Variants in MTTP observed in about 807,000 individuals in gnomAD.
The protein encoded by MTTP is microsomal triglyceride transfer protein large subunit.
A neutral mutation model predicts 90.6 loss-of-function variants in MTTP; 49 were observed. The ratio of observed to expected loss-of-function variants is 0.54; its 90% confidence interval spans 0.43 to 0.69. The LOEUF is 0.69. Ranked by LOEUF, MTTP falls within the 30% of genes least tolerant of loss-of-function variation. The probability of loss-of-function intolerance (pLI) is 0.00; values close to 1 mark genes in which losing one functional copy is unlikely to be tolerated. For synonymous variants in MTTP, 347 were observed against 384.2 expected (o/e 0.90, Z 1.13); for missense variants, 945 against 1,067.5 (o/e 0.89, Z 1.60).
At chr4:99,583,883 C>T in intron 3 of MTTP, 1 of 393,970 alleles carries the variant, frequency 2.5e-6, no homozygotes, top group Non-Finnish European at 4.6e-6. Context: ...GGAAAGGAGA[C>T]AAATTATGAG....
rs2255119 is a variant in MTTP, at chr4:99,622,588, A to G, written c.2514-89A>G. ...TTTCTCAGATTGCTTTGGAACAGAA[A>G]CTTCAAGTACATTCAGTAACTTGGC... On this transcript the variant is annotated intron_variant, in intron 17 of 17. Transcript: ENST00000265517. The G allele has an allele frequency of 0.12, 163,139 of 1,415,378 alleles. 10,194 individuals are homozygous for G. Among genetic ancestry groups the G allele is most frequent in the South Asian group, 0.2 (17,293 of 85,588 alleles). 87.7% of individuals were successfully genotyped at this position (1,415,378 alleles called of 1,614,324 possible).
rs1404297271 is a variant in MTTP at position 99,622,919 on chromosome 4, G to A, written c.*71G>A. On this transcript the variant is annotated 3_prime_UTR_variant, in exon 18 of 18. Coordinates refer to ENST00000265517, the MANE Select transcript of MTTP (RefSeq NM_001386140.1). ...CACAATGTGGCATGACTAAGTACTTGCTCTCTGAGAGCACAGCGTTTACAT... is the reference window on the plus strand; with the variant it reads ...CACAATGTGGCATGACTAAGTACTTACTCTCTGAGAGCACAGCGTTTACAT... 1 of 1,500,302 alleles carries A rather than the reference G, an allele frequency of 6.7e-7. No homozygotes were observed. The highest frequency in any genetic ancestry group is 1.7e-5 in the Admixed American group (1 of 59,874). The allele number at this position is 1,500,302 out of a possible 1,614,324, so 92.9% of individuals were successfully genotyped here.
chr4:99,600,872 T>G (rs1209922349), intron 9 of MTTP, 139 bp downstream of exon 9: 1 of 807,770 alleles, frequency 1.2e-6, no homozygotes. Context: ...TTGGGGTATT[T>G]TCTATCCACT....
chr4:99,600,817 G>T, intron 9 of MTTP, 84 bp downstream of exon 9: 1 of 1,355,324 alleles, frequency 7.4e-7, no homozygotes. Flanking sequence ...TCTTAGATCT[G>T]AATGAAGGCT....
chr4:99,564,247 G>A (rs1302590498), intron 1 of MTTP: 1 of 1,535,310 alleles, frequency 6.5e-7, no homozygotes, highest in Non-Finnish European at 8.7e-7. Context: ...TGTGAGTATT[G>A]GATGAAGGAA....
chr4:99,591,138 T>C (rs1436225623), intron 4 of MTTP, 97 bp from the exon 5 acceptor site: 4 of 863,576 alleles, frequency 4.6e-6, no homozygotes, highest in Non-Finnish European at 6.0e-6. Context: ...AAGTCCCCTA[T>C]GGCCTATTAG....
chr4:99,613,113 A>G lies in MTTP; in HGVS notation c.2190A>G (p.Gly730=), dbSNP rs761984561. The G allele has an allele frequency of 7.3e-5, 118 of 1,613,702 alleles. No individual in the cohort carries two copies. Among genetic ancestry groups the G allele is most frequent in the Non-Finnish European group, 9.8e-5 (116 of 1,179,782 alleles). The change falls in exon 15 of 18, where the codon GGA becomes GGG. Residue 730 remains glycine, a synonymous_variant. Coordinates refer to ENST00000265517, the MANE Select transcript of MTTP (RefSeq NM_001386140.1). ...ASGDPISVVK[G]LILLIDHSQE... The stretch of plus-strand genomic sequence containing the variant: ...GCGACCCTATCAGTGTGGTGAAAGG[A>G]CTTATTCTGCTAATAGATCATTCTC...
intron 11 of MTTP, among the ~76,000 whole-genome samples, chr4:99,608,376 C>G (rs1048916265): frequency 1.3e-5 from 2 of 152,098 alleles, no homozygotes; most frequent in Non-Finnish European, 2.9e-5. Flanking sequence ...ACCTGGGAAG[C>G]GGAGGTTGCA....
intron 1 of MTTP, among the ~76,000 whole-genome samples, chr4:99,579,641 AT>A (rs917134605): frequency 6.6e-6 from 1 of 152,002 alleles, no homozygotes; most frequent in Non-Finnish European, 1.5e-5. Flanking sequence ...TTATGTACTC[AT>A]TTTTTTATTG....
At chr4:99,599,639 G>A (rs1725647905) in intron 8 of MTTP, among the ~76,000 whole-genome samples, 1 of 152,060 alleles carries the variant, frequency 6.6e-6, no homozygotes, top group South Asian at 2.1e-4. Flanking sequence ...ACAATCCTGA[G>A]GTAAATACTA....
At chr4:99,583,642 C>A in intron 3 of MTTP, 125 bp downstream of exon 3, 1 of 1,167,990 alleles carries the variant, frequency 8.6e-7, no homozygotes, top group South Asian at 1.3e-5. Context: ...TCTTCAAGAA[C>A]TAAAGAACAG....
In MTTP at chr4:99,622,969, T is replaced by C; in HGVS notation, c.*121T>C. 7.8e-7 allele frequency: 1 copy of C among 1,278,180 alleles called. No individual in the cohort carries two copies. The highest frequency in any genetic ancestry group is 1.1e-6 in the Non-Finnish European group (1 of 884,416). The allele number at this position is 1,278,180 out of a possible 1,614,324, so 79.2% of individuals were successfully genotyped here. A position where few individuals can be genotyped will look rare whatever the true frequency, so the allele number is the denominator to read the frequency against. ...TATTTACCTGTATTTAAGATTTTTGTAAAAAGCTACAAAAAACTGCAGTTT... is the reference window on the plus strand; with the variant it reads ...TATTTACCTGTATTTAAGATTTTTGCAAAAAGCTACAAAAAACTGCAGTTT... On this transcript the variant is annotated 3_prime_UTR_variant, in exon 18 of 18. Transcript: ENST00000265517.
At chr4:99,622,637 CTG>C (rs768878375) in intron 17 of MTTP, 38 bp from the exon 18 acceptor site, 2 of 1,606,042 alleles carry the variant, frequency 1.2e-6, no homozygotes, top group South Asian at 1.1e-5. Flanking sequence ...GGTGACTTAA[CTG>C]TGTGTGTAAT....
rs1252530871 is a variant in MTTP, at chr4:99,608,796, C to G, written c.1588C>G (p.Gln530Glu). The G allele has an allele frequency of 1.2e-6, 2 of 1,614,074 alleles. No individual in the cohort carries two copies. Among genetic ancestry groups the G allele is most frequent in the Admixed American group, 3.3e-5 (2 of 60,014 alleles). ...GAAGACCTTAAACAGAATATACCAC[C>G]AAAACCGTAAAGTTCATGAAAAGAC... The part of the protein sequence containing the change: ...VKKTLNRIYH[Q>E]NRKVHEKTVR... The change falls in exon 12 of 18, where the codon CAA (glutamine) becomes GAA (glutamate). Residue 530 changes from glutamine to glutamate, a missense_variant. Physicochemically the swap from Gln to Glu is conservative, Grantham distance 29. Coordinates refer to ENST00000265517, the MANE Select transcript of MTTP (RefSeq NM_001386140.1).
intron 7 of MTTP, 31 bp from the exon 8 acceptor site, chr4:99,597,036 G>C (rs776970473): frequency 6.8e-6 from 11 of 1,612,304 alleles, no homozygotes; most frequent in Middle Eastern, 1.8e-4. Flanking sequence ...AGTTATGAGT[G>C]GGGTATGAGC....
Position 99,591,219 on chromosome 4 carries a change from T to A in MTTP, c.502-16T>A, listed in dbSNP as rs1267404594. 6.4e-7 allele frequency: 1 copy of A among 1,550,950 alleles called. No individual in the cohort carries two copies. Among genetic ancestry groups the A allele is most frequent in the South Asian group, 1.1e-5 (1 of 89,804 alleles). ...ACAAGGAATCCCAAGCATTATGCCC[T>A]TGCCTTTCTTTTTAGGTAGATATCT... On this transcript the variant is annotated splice_polypyrimidine_tract_variant and intron_variant, in intron 4 of 17. Transcript: ENST00000265517.
chr4:99,584,475 G>A (rs535907314), intron 3 of MTTP, among the ~76,000 whole-genome samples: 5 of 152,176 alleles, frequency 3.3e-5, no homozygotes, highest in African/African-American at 9.6e-5. Context: ...TTTCATATAT[G>A]TATATTGCTA....
At chr4:99,592,171 T>C (rs1362076057) in intron 6 of MTTP, among the ~76,000 whole-genome samples, 1 of 152,188 alleles carries the variant, frequency 6.6e-6, no homozygotes, top group Non-Finnish European at 1.5e-5. Flanking sequence ...ACTATGTAGG[T>C]GTACCTTTAT....
chr4:99,594,404 C>A (rs762998489), intron 6 of MTTP, among the ~76,000 whole-genome samples: 4 of 152,120 alleles, frequency 2.6e-5, no homozygotes, highest in African/African-American at 7.2e-5. Flanking sequence ...GTTGTATTGA[C>A]GATATCATTT....
Sources: gnomAD v4.1 joint callset for allele counts (sites outside exome capture counted in the v4.1 genomes callset) on GRCh38, gnomAD v4.1.1 for gene constraint, MANE v1.5 for transcripts, NCBI Gene and HGNC (gene_info 2026-07-23, HGNC 2026-07-21) for gene names.